Variants in ARK2N observed in about 807,000 individuals in gnomAD.
ARK2N encodes the protein arkadia (RNF111) N-terminal like PKA signaling regulator 2N.
At chr18:46,174,471 C>G in the ARK2N span, 1 of 152,146 alleles carries the variant, frequency 6.6e-6, no homozygotes, top group Non-Finnish European at 1.5e-5. Context: ...ACGCTGGGGT[C>G]CTAGCGGGCC....
chr18:46,215,837 T>C, the ARK2N span: 3 of 1,546,458 alleles, frequency 1.9e-6, no homozygotes, highest in African/African-American at 1.4e-5. Flanking sequence ...ATCTTTGATA[T>C]CATTTCCTAG....
the ARK2N span, among the ~76,000 whole-genome samples, chr18:46,200,374 C>T: frequency 6.6e-6 from 1 of 152,156 alleles, no homozygotes; most frequent in African/African-American, 2.4e-5. Context: ...GTGGCGCAAT[C>T]TTGGCTCACT....
the ARK2N span, among the ~76,000 whole-genome samples, chr18:46,188,032 G>A: frequency 6.6e-6 from 1 of 152,038 alleles, no homozygotes; most frequent in African/African-American, 2.4e-5. Context: ...CATACATTGA[G>A]CATAATTTTA....
chr18:46,213,885 C>T, the ARK2N span, among the ~76,000 whole-genome samples: 6 of 152,034 alleles, frequency 3.9e-5, no homozygotes, highest in Non-Finnish European at 5.9e-5. Context: ...TTAGTAGAGA[C>T]GGGGTTTCAC....
At chr18:46,183,227 TA>T in the ARK2N span, among the ~76,000 whole-genome samples, 1 of 152,224 alleles carries the variant, frequency 6.6e-6, no homozygotes, top group African/African-American at 2.4e-5. Context: ...TTCTTTTCCC[TA>T]GCAGATTATT....
At chr18:46,266,134 T>C in the ARK2N span, 1 of 152,246 alleles carries the variant, frequency 6.6e-6, no homozygotes, top group Non-Finnish European at 1.5e-5. Context: ...TAAACTTTGC[T>C]TTTATTATCA....
the ARK2N span, among the ~76,000 whole-genome samples, chr18:46,226,085 T>C: frequency 6.6e-6 from 1 of 152,236 alleles, no homozygotes; most frequent in Non-Finnish European, 1.5e-5. Flanking sequence ...GTAAAGATCA[T>C]AGTTACTCCA....
the ARK2N span, among the ~76,000 whole-genome samples, chr18:46,176,910 C>T: frequency 6.6e-6 from 1 of 152,132 alleles, no homozygotes; most frequent in South Asian, 2.1e-4. Context: ...GCCACCACGG[C>T]TGGCTAATTT....
At chr18:46,243,994 T>C in the ARK2N span, among the ~76,000 whole-genome samples, 1 of 152,244 alleles carries the variant, frequency 6.6e-6, no homozygotes, top group Admixed American at 6.5e-5. Context: ...AACGAGTTGC[T>C]CTTGCTACAA....
the ARK2N span, among the ~76,000 whole-genome samples, chr18:46,186,528 G>A: frequency 4.2e-3 from 477 of 113,432 alleles, 3 homozygotes; most frequent in African/African-American, 0.016. Context: ...TTTTTGAGAC[G>A]GAGTCTCGCT....
the ARK2N span, chr18:46,219,105 G>A: frequency 1.3e-5 from 2 of 152,134 alleles, no homozygotes; most frequent in Admixed American, 1.3e-4. Flanking sequence ...AACTGTTAAT[G>A]CATATTCTTT....
chr18:46,245,138 G>T, the ARK2N span, among the ~76,000 whole-genome samples: 3 of 152,058 alleles, frequency 2.0e-5, no homozygotes, highest in African/African-American at 7.2e-5. Flanking sequence ...CACCATGATG[G>T]CCAGGCTGGT....
chr18:46,220,309 C>T, the ARK2N span, among the ~76,000 whole-genome samples: 1 of 152,130 alleles, frequency 6.6e-6, no homozygotes, highest in Non-Finnish European at 1.5e-5. Flanking sequence ...CAGCTCAGCC[C>T]CACTTCAAGA....
the ARK2N span, among the ~76,000 whole-genome samples, chr18:46,186,786 G>A: frequency 6.6e-6 from 1 of 151,748 alleles, no homozygotes; most frequent in Non-Finnish European, 1.5e-5. Context: ...GGGATTACAG[G>A]CGTGAGCCCC....
the ARK2N span, chr18:46,215,946 A>C: frequency 1.9e-6 from 3 of 1,614,082 alleles, no homozygotes; most frequent in Admixed American, 1.7e-5. Flanking sequence ...CACCAAAAGC[A>C]TCTGAACAAG....
the ARK2N span, among the ~76,000 whole-genome samples, chr18:46,234,806 C>A: frequency 6.6e-6 from 1 of 152,074 alleles, no homozygotes; most frequent in Non-Finnish European, 1.5e-5. Flanking sequence ...ATCAAAGGGC[C>A]TGTGATAGGG....
the ARK2N span, among the ~76,000 whole-genome samples, chr18:46,245,378 C>T: frequency 6.6e-6 from 1 of 151,674 alleles, no homozygotes; most frequent in Non-Finnish European, 1.5e-5. Context: ...CCAGCCTGTC[C>T]AATATGGTGA....
At chr18:46,203,608 G>GT in the ARK2N span, among the ~76,000 whole-genome samples, 40 of 151,076 alleles carry the variant, frequency 2.6e-4, no homozygotes, top group Admixed American at 7.9e-4. Flanking sequence ...TTTTCTTAAG[G>GT]TTTTTTTTTG....
the ARK2N span, among the ~76,000 whole-genome samples, chr18:46,202,802 T>A: frequency 0.71 from 103,823 of 145,302 alleles, 36,532 homozygotes; most frequent in Middle Eastern, 0.76. Context: ...AAATAAAAAT[T>A]AAAAAAAAAA....
Sources: gnomAD v4.1 joint callset for allele counts (sites outside exome capture counted in the v4.1 genomes callset) on GRCh38, gnomAD v4.1.1 for gene constraint, MANE v1.5 for transcripts, NCBI Gene and HGNC (gene_info 2026-07-23, HGNC 2026-07-21) for gene names.